MAF: variants seen among roughly 807,000 people sequenced by gnomAD.
MAF encodes transcription factor Maf.
In MAF, 10 loss-of-function variants were observed where a neutral mutation model predicts 22.0. The ratio of observed to expected loss-of-function variants is 0.45; its 90% CI spans 0.28 to 0.77. The LOEUF (loss-of-function observed/expected upper bound fraction) is 0.77. MAF is among the 30% of genes least tolerant of loss of function. MAF has a pLI of 0.12. For missense variants in MAF, 544 were observed against 548.4 expected, an observed-to-expected ratio of 0.99 and a Z score of 0.08; for synonymous variants, 337 against 255.8, an observed-to-expected ratio of 1.32 and a Z score of -3.03.
the MAF span, among the ~76,000 whole-genome samples, chr16:79,285,097 T>G: frequency 6.6e-6 from 1 of 152,226 alleles, no homozygotes; most frequent in African/African-American, 2.4e-5. Flanking sequence ...ACCTATTTCA[T>G]GCTCATTTAA....
the MAF span, among the ~76,000 whole-genome samples, chr16:79,357,172 C>T: frequency 3.3e-5 from 5 of 152,008 alleles, 1 homozygote; most frequent in African/African-American, 1.2e-4. Flanking sequence ...AGGAGAATTG[C>T]TTGAACTTGG....
chr16:79,245,231 C>T, the MAF span, among the ~76,000 whole-genome samples: 10 of 151,952 alleles, frequency 6.6e-5, no homozygotes, highest in Non-Finnish European at 8.8e-5. Context: ...TCTAATTAAA[C>T]TAAAGAGCTT....
chr16:79,578,958 C>A, the MAF span, among the ~76,000 whole-genome samples: 2 of 152,028 alleles, frequency 1.3e-5, no homozygotes, highest in Admixed American at 6.6e-5. Flanking sequence ...AGGGAGGGAC[C>A]CTTCCAGTAA....
At chr16:79,486,848 T>C in the MAF span, among the ~76,000 whole-genome samples, 3 of 152,226 alleles carry the variant, frequency 2.0e-5, no homozygotes, top group Non-Finnish European at 2.9e-5. Context: ...ATAAAGTTTA[T>C]TGCAGATCAT....
chr16:79,331,359 G>A, the MAF span, among the ~76,000 whole-genome samples: 5 of 152,180 alleles, frequency 3.3e-5, no homozygotes, highest in African/African-American at 1.2e-4. Context: ...AATGCCAGCT[G>A]GCCCCGCTTA....
the MAF span, among the ~76,000 whole-genome samples, chr16:79,229,103 T>A: frequency 6.7e-6 from 1 of 149,996 alleles, no homozygotes; most frequent in African/African-American, 2.4e-5. Context: ...TGGCAAATCA[T>A]GTGTCCTCTC....
chr16:79,329,198 C>T, the MAF span, among the ~76,000 whole-genome samples: 1 of 152,084 alleles, frequency 6.6e-6, no homozygotes, highest in South Asian at 2.1e-4. Flanking sequence ...ATTTCCCCCT[C>T]TCTGCTAGAA....
At chr16:79,262,537 C>T in the MAF span, among the ~76,000 whole-genome samples, 6 of 152,112 alleles carry the variant, frequency 3.9e-5, no homozygotes, top group African/African-American at 9.7e-5. Flanking sequence ...GGGAAGGGAG[C>T]TCCAGCAGAG....
chr16:79,547,851 C>T, the MAF span, among the ~76,000 whole-genome samples: 3 of 151,488 alleles, frequency 2.0e-5, no homozygotes, highest in South Asian at 2.1e-4. Context: ...CTGCTTTCGT[C>T]TGCAAACTAT....
chr16:79,211,682 C>T, the MAF span: 1 of 1,614,096 alleles, frequency 6.2e-7, no homozygotes, highest in African/African-American at 1.3e-5. Context: ...TGTACTTCAA[C>T]AACTGCTGCC....
chr16:79,207,524 C>T, the MAF span, among the ~76,000 whole-genome samples: 4 of 152,230 alleles, frequency 2.6e-5, no homozygotes, highest in East Asian at 5.8e-4. Flanking sequence ...TCAGCATTTG[C>T]TGTGCAATGT....
downstream of MAF, among the ~76,000 whole-genome samples, chr16:79,591,813 A>G (rs1299335560): frequency 6.6e-6 from 1 of 152,240 alleles, no homozygotes; most frequent in African/African-American, 2.4e-5. Flanking sequence ...TATTGGTACA[A>G]CATGTCTGGC....
the MAF span, among the ~76,000 whole-genome samples, chr16:79,531,687 T>C: frequency 3.3e-5 from 5 of 152,222 alleles, no homozygotes; most frequent in East Asian, 7.7e-4. Context: ...ACCACTGATA[T>C]AGCAGGAGGC....
chr16:79,429,209 C>A, the MAF span, among the ~76,000 whole-genome samples: 1 of 152,178 alleles, frequency 6.6e-6, no homozygotes, highest in African/African-American at 2.4e-5. Context: ...CTGAGCCTCA[C>A]GCTAGACTGG....
the MAF span, among the ~76,000 whole-genome samples, chr16:79,251,702 T>C: frequency 6.6e-6 from 1 of 152,186 alleles, no homozygotes; most frequent in Non-Finnish European, 1.5e-5. Context: ...CTCAAAGCCG[T>C]CCCTCAGTGC....
chr16:79,481,806 A>G, the MAF span, among the ~76,000 whole-genome samples: 3 of 152,214 alleles, frequency 2.0e-5, no homozygotes, highest in East Asian at 5.8e-4. Context: ...TAGCCCTGGC[A>G]CTAGAATGGA....
the MAF span, among the ~76,000 whole-genome samples, chr16:79,291,239 G>A: frequency 6.6e-6 from 1 of 152,128 alleles, no homozygotes; most frequent in Admixed American, 6.5e-5. Flanking sequence ...CACTGGGAAT[G>A]ACATTTCCTG....
the MAF span, among the ~76,000 whole-genome samples, chr16:79,239,138 A>G: frequency 6.6e-6 from 1 of 152,010 alleles, no homozygotes; most frequent in Non-Finnish European, 1.5e-5. Context: ...AGTCAGTCAA[A>G]CTAATTGTGT....
At chr16:79,507,568 G>A in the MAF span, among the ~76,000 whole-genome samples, 1 of 151,952 alleles carries the variant, frequency 6.6e-6, no homozygotes, top group South Asian at 2.1e-4. Context: ...GGGACTACAG[G>A]CGCCCACCAC....
Sources: allele counts gnomAD v4.1 joint callset (sites outside exome capture counted in the v4.1 genomes callset), GRCh38; gene constraint gnomAD v4.1.1; transcripts MANE v1.5; gene names NCBI Gene and HGNC (gene_info 2026-07-23, HGNC 2026-07-21).